Variants in POPDC1 observed in about 807,000 individuals in gnomAD.
The protein encoded by POPDC1 is popeye domain-containing protein 1.
chr6:105,106,197 T>A, the POPDC1 span, among the ~76,000 whole-genome samples: 10 of 152,162 alleles, frequency 6.6e-5, no homozygotes, highest in Non-Finnish European at 5.9e-5. Context: ...TTAACAGGTG[T>A]GAAACTGTTA....
the POPDC1 span, among the ~76,000 whole-genome samples, chr6:105,116,015 C>A: frequency 0.82 from 124,102 of 152,074 alleles, 51,501 homozygotes; most frequent in Non-Finnish European, 0.88. Context: ...ATATATTATA[C>A]AAAATCAAAT....
At chr6:105,129,401 T>C in the POPDC1 span, 1 of 1,611,552 alleles carries the variant, frequency 6.2e-7, no homozygotes, top group South Asian at 1.1e-5. Context: ...GTATAAAAGA[T>C]ACGACAGATG....
the POPDC1 span, among the ~76,000 whole-genome samples, chr6:105,119,620 A>T: frequency 6.6e-6 from 1 of 152,228 alleles, no homozygotes; most frequent in African/African-American, 2.4e-5. Flanking sequence ...TGCTAAAGAC[A>T]GTTAGGACTG....
chr6:105,105,319 G>T, the POPDC1 span, among the ~76,000 whole-genome samples: 1 of 152,092 alleles, frequency 6.6e-6, no homozygotes, highest in Non-Finnish European at 1.5e-5. Flanking sequence ...CCAACCCCTC[G>T]CTTGGAATTA....
At chr6:105,115,927 T>TA in the POPDC1 span, 45 of 1,219,532 alleles carry the variant, frequency 3.7e-5, no homozygotes, top group Non-Finnish European at 4.3e-5. Flanking sequence ...TTAGTGCATT[T>TA]AAAAAAAAGA....
At chr6:105,129,516 A>T in the POPDC1 span, 6 of 1,603,298 alleles carry the variant, frequency 3.7e-6, no homozygotes, top group Non-Finnish European at 5.1e-6. Flanking sequence ...GTTGAAGAGC[A>T]AAGTTAACAC....
At chr6:105,130,391 A>T in the POPDC1 span, among the ~76,000 whole-genome samples, 1 of 152,124 alleles carries the variant, frequency 6.6e-6, no homozygotes, top group Admixed American at 6.5e-5. Flanking sequence ...TATACATACA[A>T]ATTTTTCTGT....
At chr6:105,111,125 C>A in the POPDC1 span, among the ~76,000 whole-genome samples, 1 of 152,072 alleles carries the variant, frequency 6.6e-6, no homozygotes, top group African/African-American at 2.4e-5. Context: ...TTTAAACTAA[C>A]AAGCTTTTTC....
At chr6:105,114,401 C>G in the POPDC1 span, among the ~76,000 whole-genome samples, 1 of 152,184 alleles carries the variant, frequency 6.6e-6, no homozygotes, top group African/African-American at 2.4e-5. Context: ...TTCCTACACA[C>G]CAATTATATG....
At chr6:105,116,967 T>A in the POPDC1 span, 1 of 1,095,094 alleles carries the variant, frequency 9.1e-7, no homozygotes, top group Non-Finnish European at 1.3e-6. Flanking sequence ...GTGGACATTA[T>A]CATAGCAATG....
At chr6:105,129,427 C>A in the POPDC1 span, 2 of 1,612,652 alleles carry the variant, frequency 1.2e-6, no homozygotes, top group Non-Finnish European at 1.7e-6. Flanking sequence ...TGTTGACACC[C>A]AAGAACACAG....
At chr6:105,103,580 GAACA>G in the POPDC1 span, among the ~76,000 whole-genome samples, 1 of 152,054 alleles carries the variant, frequency 6.6e-6, no homozygotes, top group Non-Finnish European at 1.5e-5. Context: ...AAAACTCTCA[GAACA>G]AACAATAAGA....
At chr6:105,118,174 A>G in the POPDC1 span, among the ~76,000 whole-genome samples, 2 of 152,248 alleles carry the variant, frequency 1.3e-5, no homozygotes, top group South Asian at 2.1e-4. Flanking sequence ...AAATGTTTCT[A>G]AAGAAGCTCT....
At chr6:105,130,302 T>C in the POPDC1 span, among the ~76,000 whole-genome samples, 1 of 152,174 alleles carries the variant, frequency 6.6e-6, no homozygotes, top group African/African-American at 2.4e-5. Context: ...GATTAAACCA[T>C]AATTTATTTA....
the POPDC1 span, among the ~76,000 whole-genome samples, chr6:105,120,454 A>T: frequency 1.3e-5 from 2 of 152,254 alleles, no homozygotes; most frequent in Admixed American, 1.3e-4. Flanking sequence ...AATATCTTAT[A>T]AAGCAATATA....
chr6:105,104,455 A>G, the POPDC1 span, among the ~76,000 whole-genome samples: 1 of 152,172 alleles, frequency 6.6e-6, no homozygotes, highest in Admixed American at 6.5e-5. Context: ...CCTTAAGTAC[A>G]CAGTGATGAA....
At chr6:105,118,274 C>A in the POPDC1 span, among the ~76,000 whole-genome samples, 1 of 152,168 alleles carries the variant, frequency 6.6e-6, no homozygotes, top group South Asian at 2.1e-4. Context: ...CAGCTTGTCT[C>A]CTTACTTCAA....
At chr6:105,102,570 A>C in the POPDC1 span, among the ~76,000 whole-genome samples, 2 of 152,200 alleles carry the variant, frequency 1.3e-5, no homozygotes, top group East Asian at 3.9e-4. Context: ...ACAGTTCCAG[A>C]GTTCAAATCC....
At chr6:105,118,287 A>G in the POPDC1 span, among the ~76,000 whole-genome samples, 176 of 152,312 alleles carry the variant, frequency 1.2e-3, no homozygotes, top group African/African-American at 3.8e-3. Flanking sequence ...TACTTCAACA[A>G]GCTGAAATCT....
Sources: allele counts gnomAD v4.1 joint callset (sites outside exome capture counted in the v4.1 genomes callset), GRCh38; gene constraint gnomAD v4.1.1; transcripts MANE v1.5; gene names NCBI Gene and HGNC (gene_info 2026-07-23, HGNC 2026-07-21).